NCEH1: variants seen among roughly 807,000 people sequenced by gnomAD.
NCEH1 encodes 2-acetyl MAGE hydrolase.
In NCEH1, 9 loss-of-function variants were observed where a neutral mutation model predicts 25.4. The ratio of observed to expected loss-of-function variants is 0.35; its 90% CI spans 0.21 to 0.62. The LOEUF is 0.62. NCEH1 is among the 20% of genes least tolerant of loss of function. NCEH1 has a pLI of 0.72. For missense variants in NCEH1, 412 were observed against 501.1 expected (o/e 0.82, Z 1.70); for synonymous variants, 200 against 199.8 (o/e 1.00, Z -0.01).
chr3:172,706,518 T>G (rs1238518269), intron 1 of NCEH1, among the ~76,000 whole-genome samples: 2 of 149,978 alleles, frequency 1.3e-5, no homozygotes, highest in African/African-American at 4.9e-5. Flanking sequence ...TTTTTTTTTT[T>G]GAGACGAAGT....
At chr3:172,684,366 C>A (rs1314982406) in intron 1 of NCEH1, among the ~76,000 whole-genome samples, 2 of 152,142 alleles carry the variant, frequency 1.3e-5, no homozygotes, top group African/African-American at 4.8e-5. Flanking sequence ...ATTACTAAAA[C>A]TGATTTTACT....
At chr3:172,642,053 C>G (rs988617769) in intron 3 of NCEH1, among the ~76,000 whole-genome samples, 1 of 152,080 alleles carries the variant, frequency 6.6e-6, no homozygotes, top group Non-Finnish European at 1.5e-5. Flanking sequence ...TGTTATGTCA[C>G]CAGCATTTAA....
chr3:172,638,257 G>A (rs1483167342), intron 3 of NCEH1, among the ~76,000 whole-genome samples: 19 of 128,322 alleles, frequency 1.5e-4, no homozygotes, highest in South Asian at 2.6e-4. Context: ...CAGCCTGGGC[G>A]ACAGAACGAG....
intron 1 of NCEH1, among the ~76,000 whole-genome samples, chr3:172,705,596 A>G (rs1465477985): frequency 1.3e-5 from 2 of 152,168 alleles, no homozygotes; most frequent in East Asian, 1.9e-4. Context: ...AGAAAGACAG[A>G]TATGTTGTCC....
chr3:172,634,455 C>A (rs891029002), intron 4 of NCEH1, among the ~76,000 whole-genome samples: 1 of 151,996 alleles, frequency 6.6e-6, no homozygotes, highest in African/African-American at 2.4e-5. Flanking sequence ...GTCATGGCTT[C>A]CTAGGGGGAA....
At chr3:172,699,072 A>T (rs1294668862) in intron 1 of NCEH1, among the ~76,000 whole-genome samples, 1 of 152,258 alleles carries the variant, frequency 6.6e-6, no homozygotes, top group African/African-American at 2.4e-5. Flanking sequence ...TCTAAGGGCC[A>T]TAAAAGAAAA....
At position 172,648,584 on chromosome 3, in the gene NCEH1, T is replaced by A. The variant is rs907621473; in HGVS notation, c.139-470A>T. 1.3e-4 allele frequency among the ~76,000 whole-genome samples: 20 copies of A among 152,310 alleles called. No individual in the cohort carries two copies. The South Asian group carries it at 2.7e-3, about 21-fold the overall frequency. The stretch of plus-strand genomic sequence containing the variant: ...CCTTTGTAACATATATTTGGGTGTG[T>A]CTTATTGCTTAATTTCTTTAAATTG... On this transcript the variant is annotated intron_variant, in intron 1 of 4. Transcript: ENST00000475381.
At chr3:172,692,256 C>T (rs1010024123) in intron 1 of NCEH1, among the ~76,000 whole-genome samples, 5 of 152,182 alleles carry the variant, frequency 3.3e-5, no homozygotes, top group African/African-American at 1.2e-4. Context: ...TAAAACCAAA[C>T]AGAAGAAAAA....
Position 172,652,870 on chromosome 3 carries a change from ATTT to A in NCEH1, c.139-4759_139-4757del, listed in dbSNP as rs33937237. On this transcript the variant is annotated intron_variant, in intron 1 of 4. Coordinates refer to ENST00000475381, the MANE Select transcript of NCEH1 (RefSeq NM_020792.6). The stretch of plus-strand genomic sequence containing the variant: ...ACCACCACACCTGGCTAATTTTTGT[ATTT>A]TTTTTTTTTTTAGTAGATACAGGGT... Among the ~76,000 whole-genome samples, 7 of 139,808 alleles carry A rather than the reference ATTT, an allele frequency of 5.0e-5. No individual in the cohort carries two copies. In the Admixed American group the frequency reaches 5.0e-4, roughly 10 times the overall value. 91.7% of individuals were successfully genotyped at this position (139,808 alleles called of 152,430 possible).
rs189378516 is a variant in NCEH1 at position 172,630,266 on chromosome 3, T to C, written c.*3209A>G. ...TAATAAACTCAAGTGTGAAATTAGA[T>C]TTATTTGTAATGACAAGGTCAGTTT... On this transcript the variant is annotated 3_prime_UTR_variant, in exon 5 of 5. Transcript: ENST00000475381. The C allele has an allele frequency of 2.6e-5, 4 of 152,392 alleles. No individual in the cohort carries two copies. The East Asian group carries it at 7.7e-4, about 29-fold the overall frequency. The allele number at this position is 152,392 out of a possible 1,614,324, so 9.4% of individuals were successfully genotyped here.
At chr3:172,696,591 C>A (rs1713388591) in intron 1 of NCEH1, among the ~76,000 whole-genome samples, 1 of 152,182 alleles carries the variant, frequency 6.6e-6, no homozygotes, top group Non-Finnish European at 1.5e-5. Flanking sequence ...AGTAAACAAA[C>A]CCTTGGGTTA....
Position 172,653,735 on chromosome 3 carries a change from G to GT in NCEH1, c.139-5622dup, listed in dbSNP as rs1553830302. ...TTGTTTTTGTTGTTGTTGTTGTTCT[G>GT]TTTTTTTTGTTTTTTTGTTTTTTTG... is the stretch of plus-strand genomic sequence containing the variant. On this transcript the variant is annotated intron_variant, in intron 1 of 4. Transcript: ENST00000475381. Among the ~76,000 whole-genome samples, 117 of 71,002 alleles carry GT rather than the reference G, an allele frequency of 1.6e-3. 5 individuals are homozygous for GT. Among genetic ancestry groups the GT allele is most frequent in the African/African-American group, 4.7e-3 (92 of 19,700 alleles). 46.6% of individuals were successfully genotyped at this position (71,002 alleles called of 152,430 possible). A position where few individuals can be genotyped will look rare whatever the true frequency, so the allele number is the denominator to read the frequency against.
chr3:172,676,302 C>T (rs548776602), intron 1 of NCEH1, among the ~76,000 whole-genome samples: 2 of 152,270 alleles, frequency 1.3e-5, no homozygotes, highest in South Asian at 2.1e-4. Flanking sequence ...CTTTGATACG[C>T]AAATGCCGCC....
chr3:172,641,002 A>G (rs6800530), intron 3 of NCEH1, among the ~76,000 whole-genome samples: 7,572 of 152,092 alleles, frequency 0.05, 584 homozygotes, highest in African/African-American at 0.17. Flanking sequence ...ACATATAATA[A>G]AACTGTGCTC....
intron 3 of NCEH1, among the ~76,000 whole-genome samples, chr3:172,637,755 C>T (rs879927307): frequency 2.0e-5 from 3 of 152,078 alleles, no homozygotes; most frequent in Admixed American, 1.3e-4. Context: ...CAGGCACGGT[C>T]GTGGGCGCCT....
intron 1 of NCEH1, among the ~76,000 whole-genome samples, chr3:172,672,112 T>C (rs1365461641): frequency 1.3e-5 from 2 of 152,232 alleles, no homozygotes; most frequent in East Asian, 1.9e-4. Context: ...TTTTGTATCA[T>C]ATTTTGCTGT....
intron 1 of NCEH1, among the ~76,000 whole-genome samples, chr3:172,688,615 TAAG>T (rs1237165577): frequency 6.6e-6 from 1 of 152,222 alleles, no homozygotes; most frequent in Admixed American, 6.5e-5. Flanking sequence ...CATATTTATA[TAAG>T]ATATGTATTT....
chr3:172,683,250 A>T (rs1425703215), intron 1 of NCEH1, among the ~76,000 whole-genome samples: 19 of 119,042 alleles, frequency 1.6e-4, no homozygotes, highest in Middle Eastern at 3.5e-3. Flanking sequence ...AAAAATACAA[A>T]AAATTAGCCA....
chr3:172,691,755 C>T (rs1713056213), intron 1 of NCEH1, among the ~76,000 whole-genome samples: 1 of 152,276 alleles, frequency 6.6e-6, no homozygotes, highest in African/African-American at 2.4e-5. Context: ...CGAGACCATC[C>T]TGGCTAACAT....
Sources: gnomAD v4.1 joint callset for allele counts (sites outside exome capture counted in the v4.1 genomes callset) on GRCh38, gnomAD v4.1.1 for gene constraint, MANE v1.5 for transcripts, NCBI Gene and HGNC (gene_info 2026-07-23, HGNC 2026-07-21) for gene names.